The following PRDM5 variants were observed in gnomAD, a reference collection of about 807,000 sequenced individuals.
PRDM5 encodes PR domain zinc finger protein 5.
PRDM5 carries 56 observed loss-of-function variants against 81.2 expected under a neutral mutation model. The ratio of observed to expected loss-of-function variants is 0.69; its 90% CI spans 0.56 to 0.86. The LOEUF is 0.86. Ranked by LOEUF, PRDM5 falls within the 40% of genes least tolerant of loss-of-function variation. The pLI is 0.00. For synonymous variants in PRDM5, 267 were observed against 256.4 expected (o/e 1.04, Z -0.39); for missense variants, 697 against 770.1 (o/e 0.91, Z 1.12).
chr4:120,852,376 A>G (rs990395057), intron 3 of PRDM5, among the ~76,000 whole-genome samples: 1 of 152,180 alleles, frequency 6.6e-6, no homozygotes, highest in Non-Finnish European at 1.5e-5. Flanking sequence ...AGACTTGAAT[A>G]AAGTATATTG....
At chr4:120,861,579 C>A (rs897821353) in intron 2 of PRDM5, among the ~76,000 whole-genome samples, 3 of 151,904 alleles carry the variant, frequency 2.0e-5, no homozygotes, top group African/African-American at 7.3e-5. Context: ...GGGCATATCA[C>A]TTGAGGTCAG....
chr4:120,827,094 T>C (rs1018666537), intron 3 of PRDM5, among the ~76,000 whole-genome samples: 1 of 152,164 alleles, frequency 6.6e-6, no homozygotes, highest in African/African-American at 2.4e-5. Context: ...AAAATTATTT[T>C]AGATGACAAA....
downstream of PRDM5, among the ~76,000 whole-genome samples, chr4:120,689,600 C>A: frequency 6.9e-6 from 1 of 144,010 alleles, no homozygotes; most frequent in East Asian, 2.0e-4. Flanking sequence ...TTTCAAAATT[C>A]TTTTTTTTTT....
At chr4:120,698,658 C>T (rs1053784951) in intron 15 of PRDM5, among the ~76,000 whole-genome samples, 1 of 152,174 alleles carries the variant, frequency 6.6e-6, no homozygotes, top group African/African-American at 2.4e-5. Context: ...ATGTCTAAAA[C>T]TGAACTCAGA....
intron 10 of PRDM5, among the ~76,000 whole-genome samples, chr4:120,788,421 G>A (rs1272702785): frequency 1.3e-5 from 2 of 152,270 alleles, no homozygotes; most frequent in Non-Finnish European, 2.9e-5. Flanking sequence ...TTAAAGGAAA[G>A]ACAGTGATAT....
intron 2 of PRDM5, among the ~76,000 whole-genome samples, chr4:120,885,134 C>CAAAAAAAAAAAAAAAAAAAAAA (rs60623556): frequency 5.9e-5 from 3 of 50,700 alleles, no homozygotes; most frequent in African/African-American, 1.4e-4. Context: ...GACTCCGTAT[C>CAAAAAAAAAAAAAAAAAAAAAA]AAAAAAAAAA....
chr4:120,826,165 T>C (rs1578889535), intron 3 of PRDM5, among the ~76,000 whole-genome samples: 1 of 152,120 alleles, frequency 6.6e-6, no homozygotes, highest in South Asian at 2.1e-4. Context: ...ATCTGAATTT[T>C]CATGTCATTC....
At chr4:120,915,921 A>G (rs972359584) in intron 1 of PRDM5, among the ~76,000 whole-genome samples, 8 of 152,164 alleles carry the variant, frequency 5.3e-5, no homozygotes, top group African/African-American at 1.9e-4. Flanking sequence ...CCATCAGCCC[A>G]CCCAGCACCA....
chr4:120,716,029 C>G (rs184553203), intron 14 of PRDM5, among the ~76,000 whole-genome samples: 61 of 152,252 alleles, frequency 4.0e-4, no homozygotes, highest in Admixed American at 2.1e-3. Context: ...TACTGAGATT[C>G]TGGTGAGGCA....
chr4:120,864,701 A>G (rs1454733066), intron 2 of PRDM5, among the ~76,000 whole-genome samples: 1 of 152,216 alleles, frequency 6.6e-6, no homozygotes, highest in African/African-American at 2.4e-5. Context: ...CAGAAAAATT[A>G]TTCTCTAAAA....
chr4:120,826,202 T>C (rs1314826648), intron 3 of PRDM5, among the ~76,000 whole-genome samples: 2 of 152,128 alleles, frequency 1.3e-5, no homozygotes, highest in African/African-American at 4.8e-5. Context: ...CCTTCAAATG[T>C]ACCTGCTCCT....
intron 14 of PRDM5, among the ~76,000 whole-genome samples, chr4:120,715,277 G>GT (rs1737584795): frequency 6.6e-6 from 1 of 152,074 alleles, no homozygotes; most frequent in South Asian, 2.1e-4. Flanking sequence ...TGTTTGCTTT[G>GT]TTTTATCCAG....
At chr4:120,898,666 T>C (rs973273378) in intron 2 of PRDM5, among the ~76,000 whole-genome samples, 2 of 152,226 alleles carry the variant, frequency 1.3e-5, no homozygotes, top group Admixed American at 1.3e-4. Context: ...ATTTAACCTG[T>C]CTTTTGGAGT....
At position 120,706,700 on chromosome 4, in the gene PRDM5, C is replaced by CAAAATTGTAA. The variant is rs1553944639; in HGVS notation, c.1728+3608_1728+3609insTTACAATTTT. ...ATTGATGAGTAACGTGTCATTTGGG[C>CAAAATTGTAA]AAAACTGGTTTTATATATATATATA... On this transcript the variant is annotated intron_variant, in intron 15 of 15. Coordinates refer to ENST00000264808, the MANE Select transcript of PRDM5 (RefSeq NM_018699.4). Among the ~76,000 whole-genome samples, 59 of 147,854 alleles carry CAAAATTGTAA rather than the reference C, an allele frequency of 4.0e-4. 1 individual carries two copies. Among genetic ancestry groups the CAAAATTGTAA allele is most frequent in the African/African-American group, 1.4e-3 (57 of 40,480 alleles).
intron 14 of PRDM5, among the ~76,000 whole-genome samples, chr4:120,749,262 G>A (rs530352851): frequency 2.1e-4 from 32 of 152,106 alleles, no homozygotes; most frequent in Admixed American, 3.3e-4. Flanking sequence ...GAGAGAACCC[G>A]TCACAAAATG....
intron 14 of PRDM5, among the ~76,000 whole-genome samples, chr4:120,715,945 T>C (rs1352067944): frequency 1.3e-5 from 2 of 152,154 alleles, no homozygotes; most frequent in East Asian, 3.8e-4. Flanking sequence ...AATTTCCTCT[T>C]AGGAGACACT....
intron 3 of PRDM5, 146 bp from the exon 4 acceptor site, chr4:120,821,491 A>AG: frequency 1.3e-6 from 1 of 753,066 alleles, no homozygotes. Context: ...GTGCTGAAAA[A>AG]GGCAGGTGAC....
downstream of PRDM5, among the ~76,000 whole-genome samples, chr4:120,688,835 GT>G (rs934296419): frequency 1.7e-4 from 26 of 152,184 alleles, no homozygotes; most frequent in African/African-American, 6.0e-4. Context: ...GTACATATCT[GT>G]TTTTATGCCA....
At chr4:120,688,877 A>G (rs567695521), downstream of PRDM5, among the ~76,000 whole-genome samples, 1 of 152,296 alleles carries the variant, frequency 6.6e-6, no homozygotes, top group East Asian at 1.9e-4. Flanking sequence ...TGTTTTGATG[A>G]CAGTAATTTT....
Sources: gnomAD v4.1 joint callset for allele counts (sites outside exome capture counted in the v4.1 genomes callset) on GRCh38, gnomAD v4.1.1 for gene constraint, MANE v1.5 for transcripts, NCBI Gene and HGNC (gene_info 2026-07-23, HGNC 2026-07-21) for gene names.